UBE2H: variants seen among roughly 807,000 people sequenced by gnomAD.
UBE2H encodes ubiquitin conjugating enzyme E2 H.
Under a neutral mutation model 29.0 loss-of-function variants are expected in UBE2H, and 3 were observed. The ratio of observed to expected loss-of-function variants is 0.10; its 90% confidence interval spans 0.05 to 0.27. The LOEUF is 0.27. Among genes scored for constraint, UBE2H ranks in the 10% least tolerant of loss-of-function variants. The pLI, the probability that UBE2H is intolerant of heterozygous loss-of-function variation, is 1.00. For missense variants in UBE2H, 68 were observed against 228.2 expected, an observed-to-expected ratio of 0.30 and a Z score of 4.52; for synonymous variants, 69 against 82.9, an observed-to-expected ratio of 0.83 and a Z score of 0.91.
intron 1 of UBE2H, among the ~76,000 whole-genome samples, chr7:129,883,375 T>C (rs1806293028): frequency 6.6e-6 from 1 of 152,192 alleles, no homozygotes; most frequent in Admixed American, 6.5e-5. Context: ...TCAGCGCTAC[T>C]CCCGGAGATA....
intron 3 of UBE2H, among the ~76,000 whole-genome samples, chr7:129,876,070 G>A (rs1321320824): frequency 1.3e-5 from 2 of 152,130 alleles, no homozygotes; most frequent in Non-Finnish European, 2.9e-5. Context: ...ATGGAACCAT[G>A]CCATTAAGTA....
chr7:129,836,454 C>A (rs575337380), intron 6 of UBE2H, among the ~76,000 whole-genome samples: 1 of 152,150 alleles, frequency 6.6e-6, no homozygotes, highest in Non-Finnish European at 1.5e-5. Flanking sequence ...CAGTTACGGA[C>A]GAAAAACGGC....
chr7:129,949,055 T>G (rs548116596), intron 1 of UBE2H: 2 of 456,410 alleles, frequency 4.4e-6, no homozygotes, highest in African/African-American at 4.0e-5. Flanking sequence ...GCCTTTTGCC[T>G]GCATACGCTT....
chr7:129,834,881 TCTG>T lies in UBE2H; in HGVS notation c.*53_*55del. 1.2e-6 allele frequency: 2 copies of T among 1,602,880 alleles called. No homozygotes were observed. Among genetic ancestry groups the T allele is most frequent in the Non-Finnish European group, 1.7e-6 (2 of 1,176,572 alleles). On this transcript the variant is annotated 3_prime_UTR_variant, in exon 7 of 7. Coordinates refer to ENST00000355621, the MANE Select transcript of UBE2H (RefSeq NM_003344.4). ...CTTTGTTTAAATATGAATATTATAGTCTGCTTCTCATGGTTAGGAAATAATAGT... is the reference window on the plus strand; with the variant it reads ...CTTTGTTTAAATATGAATATTATAGTCTTCTCATGGTTAGGAAATAATAGT...
intron 5 of UBE2H, among the ~76,000 whole-genome samples, chr7:129,851,879 T>C (rs1805616676): frequency 6.6e-6 from 1 of 152,224 alleles, no homozygotes; most frequent in Non-Finnish European, 1.5e-5. Flanking sequence ...TAAAGAAGGT[T>C]GGTTACGGAG....
At chr7:129,871,886 G>A (rs114016303) in intron 3 of UBE2H, among the ~76,000 whole-genome samples, 7,343 of 152,116 alleles carry the variant, frequency 0.048, 194 homozygotes, top group South Asian at 0.13. Context: ...CACTCTTGTC[G>A]CCCAGGCTGG....
intron 1 of UBE2H, among the ~76,000 whole-genome samples, chr7:129,897,790 GTGTTTAAA>G (rs1806628410): frequency 6.6e-6 from 1 of 152,112 alleles, no homozygotes; most frequent in African/African-American, 2.4e-5. Flanking sequence ...TGTATAAACA[GTGTTTAAA>G]AAAATCAAAA....
rs34701981 is a variant in UBE2H, at chr7:129,863,808, GTTTT to G, written c.206-4871_206-4868del. On this transcript the variant is annotated intron_variant, in intron 3 of 6. Coordinates refer to ENST00000355621, the MANE Select transcript of UBE2H (RefSeq NM_003344.4). ...AAAATGATCTCTTCCAATACTAGGT[GTTTT>G]TTTTTTTTTTTGAGATAAGGTCACT... Among the ~76,000 whole-genome samples, 14 of 136,042 alleles carry G rather than the reference GTTTT, an allele frequency of 1.0e-4. 1 individual carries two copies. The highest frequency in any genetic ancestry group is 3.9e-4 in the African/African-American group (14 of 36,292). The allele number at this position is 136,042 out of a possible 152,430, so 89.2% of individuals were successfully genotyped here.
At chr7:129,896,494 C>CT (rs1025142490) in intron 1 of UBE2H, among the ~76,000 whole-genome samples, 2 of 152,130 alleles carry the variant, frequency 1.3e-5, no homozygotes, top group Non-Finnish European at 2.9e-5. Context: ...AGCCTCGACC[C>CT]TCCCAGGTTC....
intron 3 of UBE2H, among the ~76,000 whole-genome samples, chr7:129,860,997 G>A (rs1805790404): frequency 6.6e-6 from 1 of 152,130 alleles, no homozygotes; most frequent in African/African-American, 2.4e-5. Context: ...CAAGGTGGGT[G>A]GATCACCTGA....
chr7:129,868,038 G>A (rs1805949555), intron 3 of UBE2H, among the ~76,000 whole-genome samples: 1 of 152,072 alleles, frequency 6.6e-6, no homozygotes, highest in Non-Finnish European at 1.5e-5. Flanking sequence ...CTAAGACATT[G>A]CTTTTGTTGT....
intron 3 of UBE2H, among the ~76,000 whole-genome samples, chr7:129,875,155 A>G (rs1806121787): frequency 6.6e-6 from 1 of 152,238 alleles, no homozygotes; most frequent in African/African-American, 2.4e-5. Context: ...ATAAAAGCAA[A>G]CATTGTAGAC....
intron 1 of UBE2H, 84 bp downstream of exon 1, chr7:129,952,419 G>A (rs1807897001): frequency 1.9e-6 from 3 of 1,545,386 alleles, no homozygotes; most frequent in South Asian, 2.3e-5. Flanking sequence ...GTGCCCCAGG[G>A]CCCTTGCAGT....
At chr7:129,838,870 C>T (rs1432660120) in intron 6 of UBE2H, among the ~76,000 whole-genome samples, 4 of 152,202 alleles carry the variant, frequency 2.6e-5, no homozygotes, top group Non-Finnish European at 5.9e-5. Flanking sequence ...ATCTCCTGAC[C>T]TTGTGATCCG....
rs1360191200 is a variant in UBE2H, at chr7:129,833,501, T to G, written c.*1436A>C. 6.6e-6 allele frequency: 1 copy of G among 152,206 alleles called. No individual in the cohort carries two copies. The highest frequency in any genetic ancestry group is 1.5e-5 in the Non-Finnish European group (1 of 68,026). 9.4% of individuals were successfully genotyped at this position (152,206 alleles called of 1,614,324 possible). A position where few individuals can be genotyped will look rare whatever the true frequency, so the allele number is the denominator to read the frequency against. ...GAGTTCAGCAGGCAACACTCAGATT[T>G]GAAAGAAACTCTGCAGCAACCTGGA... On this transcript the variant is annotated 3_prime_UTR_variant, in exon 7 of 7. Transcript: ENST00000355621.
At chr7:129,891,928 A>G (rs1273743812) in intron 1 of UBE2H, among the ~76,000 whole-genome samples, 2 of 151,270 alleles carry the variant, frequency 1.3e-5, no homozygotes, top group Non-Finnish European at 2.9e-5. Context: ...ATTCTTAAGC[A>G]GAATACTAAA....
At chr7:129,875,391 G>A (rs985028012) in intron 3 of UBE2H, among the ~76,000 whole-genome samples, 18 of 152,134 alleles carry the variant, frequency 1.2e-4, no homozygotes, top group South Asian at 4.1e-4. Flanking sequence ...CTTTATCACC[G>A]ACTGGGTCAT....
chr7:129,872,841 G>A (rs143632989), intron 3 of UBE2H, among the ~76,000 whole-genome samples: 3,202 of 56,328 alleles, frequency 0.057, 153 homozygotes, highest in African/African-American at 0.19. Context: ...GCAACACTCC[G>A]TCTCAAAAAA....
At chr7:129,892,185 G>A (rs769464429) in intron 1 of UBE2H, among the ~76,000 whole-genome samples, 14 of 151,912 alleles carry the variant, frequency 9.2e-5, no homozygotes, top group Non-Finnish European at 1.8e-4. Context: ...TCCTGATCTC[G>A]TGATCCGCCC....
Sources: allele counts gnomAD v4.1 joint callset (sites outside exome capture counted in the v4.1 genomes callset), GRCh38; gene constraint gnomAD v4.1.1; transcripts MANE v1.5; gene names NCBI Gene and HGNC (gene_info 2026-07-23, HGNC 2026-07-21).